Variants in PHF14 observed in about 807,000 individuals in gnomAD.
PHF14 encodes the protein PHD finger protein 14.
Under a neutral mutation model 117.9 loss-of-function variants are expected in PHF14, and 55 were observed. The ratio of observed to expected loss-of-function variants is 0.47; its 90% confidence interval spans 0.38 to 0.58. The LOEUF (loss-of-function observed/expected upper bound fraction) is 0.58, where lower values mean the gene tolerates loss of function less well. Among genes scored for constraint, PHF14 ranks in the 20% least tolerant of loss-of-function variants. The pLI, the probability that PHF14 is intolerant of heterozygous loss-of-function variation, is 0.00. For synonymous variants in PHF14, 409 were observed against 368.6 expected, an observed-to-expected ratio of 1.11 and a Z score of -1.26; for missense variants, 978 against 1,122.2, an observed-to-expected ratio of 0.87 and a Z score of 1.84.
At chr7:10,975,518 T>A (rs1029120954) in intron 2 of PHF14, among the ~76,000 whole-genome samples, 15 of 152,322 alleles carry the variant, frequency 9.8e-5, no homozygotes, top group African/African-American at 3.4e-4. Flanking sequence ...TTTAAAAACT[T>A]TTTTTAAAGG....
At chr7:11,113,612 C>T (rs7806840) in intron 17 of PHF14, among the ~76,000 whole-genome samples, 73,143 of 151,884 alleles carry the variant, frequency 0.48, 18,309 homozygotes, top group East Asian at 0.85. Flanking sequence ...AATATACTAC[C>T]ATTTTCCAAT....
chr7:11,064,561 A>G (rs901190568), intron 16 of PHF14, among the ~76,000 whole-genome samples: 1 of 152,014 alleles, frequency 6.6e-6, no homozygotes, highest in Non-Finnish European at 1.5e-5. Context: ...TTTATATCAC[A>G]CTAGAATCTG....
intron 17 of PHF14, among the ~76,000 whole-genome samples, chr7:11,143,304 A>G (rs933053271): frequency 6.6e-6 from 1 of 152,072 alleles, no homozygotes; most frequent in Non-Finnish European, 1.5e-5. Context: ...TATTTTTTGT[A>G]GTGACTAGGT....
intron 16 of PHF14, among the ~76,000 whole-genome samples, chr7:11,080,493 T>C (rs1786055275): frequency 1.3e-5 from 2 of 152,128 alleles, no homozygotes; most frequent in Admixed American, 1.3e-4. Context: ...CTCAACTAAA[T>C]AACTTTTTCA....
In PHF14 at chr7:11,111,409, C is replaced by G. The variant is rs1473214228; in HGVS notation, c.2714C>G (p.Ser905Cys). ...FGCLDPPLKKSPKQTGYGWIC... is the reference protein window; with the variant it reads ...FGCLDPPLKKCPKQTGYGWIC... ...TGTTTGGATCCTCCTTTGAAAAAGT[C>G]TCCTAAACAGACAGGCTACGGATGG... The change falls in exon 17 of 18, where the codon TCT (serine) becomes TGT (cysteine). Residue 905 changes from serine to cysteine, a missense_variant. Ser to Cys is a moderately radical substitution (Grantham distance 112). Coordinates refer to ENST00000634607, the MANE Select transcript of PHF14 (RefSeq NM_001007157.2). The G allele has an allele frequency of 6.2e-7, 1 of 1,609,120 alleles. No homozygotes were observed. Among genetic ancestry groups the G allele is most frequent in the African/African-American group, 1.3e-5 (1 of 74,910 alleles).
At chr7:10,997,304 A>G (rs1464468476) in intron 4 of PHF14, among the ~76,000 whole-genome samples, 2 of 152,236 alleles carry the variant, frequency 1.3e-5, no homozygotes, top group East Asian at 3.9e-4. Flanking sequence ...AGAGAGTTCA[A>G]AGTGAGAATA....
chr7:11,091,745 G>A (rs764651990), intron 16 of PHF14, among the ~76,000 whole-genome samples: 2 of 152,110 alleles, frequency 1.3e-5, no homozygotes, highest in African/African-American at 2.4e-5. Context: ...GTGACGGAGC[G>A]AGACCCTTTC....
chr7:11,070,365 G>C (rs188670252), intron 16 of PHF14, among the ~76,000 whole-genome samples: 1 of 152,282 alleles, frequency 6.6e-6, no homozygotes, highest in Admixed American at 6.5e-5. Flanking sequence ...GGCATGAGCC[G>C]CTGTACCCAG....
chr7:11,023,805 G>A (rs1360990014), intron 6 of PHF14, among the ~76,000 whole-genome samples: 1 of 152,080 alleles, frequency 6.6e-6, no homozygotes, highest in East Asian at 1.9e-4. Context: ...TCCAGCCTGG[G>A]CGACAGAGTG....
rs564900216 is a variant in PHF14, at chr7:11,024,535, G to A, written c.1317+1556G>A. On this transcript the variant is annotated intron_variant, in intron 6 of 17. Transcript: ENST00000634607. ...GTCTCTCTTGTTTAGAGGTGAATGC[G>A]GCTGGTGACTTTAAGTTGAAGCCAG... Among the ~76,000 whole-genome samples the A allele has an allele frequency of 5.1e-4, 77 of 152,226 alleles. No homozygotes were observed. In the South Asian group the frequency reaches 7.3e-3, roughly 14 times the overall value.
intron 16 of PHF14, among the ~76,000 whole-genome samples, chr7:11,092,619 A>G (rs1349772973): frequency 6.6e-6 from 1 of 152,164 alleles, no homozygotes; most frequent in African/African-American, 2.4e-5. Context: ...GAAGTTTAAG[A>G]GTTTAAGGGC....
chr7:11,053,309 CTT>C (rs1784904594), intron 14 of PHF14, among the ~76,000 whole-genome samples: 1 of 152,032 alleles, frequency 6.6e-6, no homozygotes, highest in Non-Finnish European at 1.5e-5. Context: ...TGAGGCAAAT[CTT>C]TATCTCTTAG....
chr7:10,977,225 A>G (rs1781898868), intron 2 of PHF14, among the ~76,000 whole-genome samples: 3 of 152,102 alleles, frequency 2.0e-5, no homozygotes, highest in Non-Finnish European at 4.4e-5. Context: ...ATAGGAGATT[A>G]AATTGGAAGT....
rs112252658 is a variant in PHF14, at chr7:11,150,054, G to A, written c.2773-19362G>A. Among the ~76,000 whole-genome samples, 54 of 152,172 alleles carry A rather than the reference G, an allele frequency of 3.5e-4. 1 individual carries two copies. Among genetic ancestry groups the A allele is most frequent in the African/African-American group, 1.3e-3 (53 of 41,534 alleles). On this transcript the variant is annotated intron_variant, in intron 17 of 17. Coordinates refer to ENST00000634607, the MANE Select transcript of PHF14 (RefSeq NM_001007157.2). ...ACATGGATAAATATATACATGTAAT[G>A]TTGAAAATACATTGCAAGTCACGGA...
intron 14 of PHF14, among the ~76,000 whole-genome samples, chr7:11,057,301 T>C (rs1785052024): frequency 1.3e-5 from 2 of 152,194 alleles, no homozygotes; most frequent in Admixed American, 1.3e-4. Context: ...ACATGTTTTT[T>C]AGTCCAAATG....
In PHF14 at chr7:11,130,503, A is replaced by AT. The variant is rs1019893592; in HGVS notation, c.2772+19043dup. Among the ~76,000 whole-genome samples, 4 of 151,620 alleles carry AT rather than the reference A, an allele frequency of 2.6e-5. No individual in the cohort carries two copies. The highest frequency in any genetic ancestry group is 9.7e-5 in the African/African-American group (4 of 41,316). ...AAATAGCCTTTTGGTAGTATTTTTG[A>AT]TTTTTTTGTTTCTTTTTGAGCAGTT... On this transcript the variant is annotated intron_variant, in intron 17 of 17. Transcript: ENST00000634607. The surrounding 1 kb of genome is among the most constrained non-coding windows in gnomAD (Gnocchi z 4.2).
intron 4 of PHF14, among the ~76,000 whole-genome samples, chr7:11,009,552 C>T (rs866474299): frequency 6.6e-6 from 1 of 152,122 alleles, no homozygotes; most frequent in Non-Finnish European, 1.5e-5. Context: ...AAATATGTTT[C>T]CCATACTCAT....
At chr7:11,165,429 G>GT (rs1156876809) in intron 17 of PHF14, among the ~76,000 whole-genome samples, 2 of 152,036 alleles carry the variant, frequency 1.3e-5, no homozygotes, top group Non-Finnish European at 2.9e-5. Flanking sequence ...TGTTTGCCAT[G>GT]TTTCTCCATT....
At chr7:11,002,673 G>A (rs1459233012) in intron 4 of PHF14, among the ~76,000 whole-genome samples, 4 of 151,906 alleles carry the variant, frequency 2.6e-5, no homozygotes, top group African/African-American at 4.8e-5. Flanking sequence ...GAACTCCCCC[G>A]CCTCTGGTGA....
Sources: allele counts gnomAD v4.1 joint callset (sites outside exome capture counted in the v4.1 genomes callset), GRCh38; gene constraint gnomAD v4.1.1; non-coding constraint Gnocchi (gnomAD v3.1); transcripts MANE v1.5; gene names NCBI Gene and HGNC (gene_info 2026-07-23, HGNC 2026-07-21).